DNAI7: variants seen among roughly 807,000 people sequenced by gnomAD.
DNAI7 encodes cancer susceptibility 1.
DNAI7 carries 78 observed loss-of-function variants against 86.6 expected under a neutral mutation model. The ratio of observed to expected loss-of-function variants is 0.90; its 90% CI spans 0.75 to 1.09. The LOEUF is 1.09. Among genes scored for constraint, DNAI7 ranks in the 50% least tolerant of loss-of-function variants. The pLI is 0.00. For synonymous variants in DNAI7, 274 were observed against 273.0 expected, an observed-to-expected ratio of 1.00 and a Z score of -0.04; for missense variants, 753 against 810.2, an observed-to-expected ratio of 0.93 and a Z score of 0.86.
At chr12:25,152,546 C>T (rs754635763) in intron 6 of DNAI7, among the ~76,000 whole-genome samples, 120 of 152,186 alleles carry the variant, frequency 7.9e-4, no homozygotes, top group Non-Finnish European at 1.6e-3. Context: ...TCTAGTTTTT[C>T]ACTTGTATCT....
At chr12:25,153,292 C>T (rs1410436277) in intron 6 of DNAI7, among the ~76,000 whole-genome samples, 2 of 152,060 alleles carry the variant, frequency 1.3e-5, no homozygotes, top group East Asian at 1.9e-4. Flanking sequence ...TGTGGTGGCA[C>T]ATGACTGTAA....
In DNAI7 at chr12:25,114,642, CA is replaced by C. The variant is rs757671641; in HGVS notation, c.1611+13del. 1.3e-6 allele frequency: 2 copies of C among 1,559,340 alleles called. No homozygotes were observed. Among genetic ancestry groups the C allele is most frequent in the Non-Finnish European group, 1.8e-6 (2 of 1,130,654 alleles). On this transcript the variant is annotated intron_variant, in intron 13 of 15. Transcript: ENST00000395987. ...CTGATACGATAGTACATAACAGCTA[CA>C]AGAGTAACTCACCTTAATTTGTATT...
intron 14 of DNAI7, 78 bp downstream of exon 14, chr12:25,111,694 T>C: frequency 3.8e-6 from 3 of 784,282 alleles, no homozygotes; most frequent in African/African-American, 1.8e-5. Flanking sequence ...GTGTATATAA[T>C]ATTAAATTAT....
intron 11 of DNAI7, among the ~76,000 whole-genome samples, 161 bp from the exon 12 acceptor site, chr12:25,119,462 A>G (rs1357266130): frequency 6.6e-6 from 1 of 152,254 alleles, no homozygotes; most frequent in Non-Finnish European, 1.5e-5. Flanking sequence ...TAAAAGATAC[A>G]TGATTGAGAA....
At chr12:25,143,982 A>C (rs1412518073) in intron 9 of DNAI7, among the ~76,000 whole-genome samples, 3 of 152,200 alleles carry the variant, frequency 2.0e-5, no homozygotes, top group African/African-American at 7.2e-5. Context: ...ATTATTTCTT[A>C]CAAAACCAAA....
chr12:25,141,601 C>T (rs1180538765), intron 9 of DNAI7, among the ~76,000 whole-genome samples: 1 of 152,138 alleles, frequency 6.6e-6, no homozygotes, highest in Non-Finnish European at 1.5e-5. Flanking sequence ...GAGGCCAAGG[C>T]AGGTGGACCA....
chr12:25,110,092 G>T (rs1949684089), intron 15 of DNAI7, 35 bp downstream of exon 15: 2 of 1,017,138 alleles, frequency 2.0e-6, no homozygotes, highest in Admixed American at 1.8e-5. Context: ...TCTTTTGGAG[G>T]ACAAAGTAGT....
chr12:25,156,106 G>A (rs1348510037), intron 4 of DNAI7, among the ~76,000 whole-genome samples: 4 of 79,842 alleles, frequency 5.0e-5, no homozygotes, highest in African/African-American at 1.1e-4. Context: ...TCTAAATCAC[G>A]TTACAAAAAA....
At chr12:25,159,643 C>T (rs1169023370) in intron 3 of DNAI7, among the ~76,000 whole-genome samples, 1 of 152,076 alleles carries the variant, frequency 6.6e-6, no homozygotes, top group Admixed American at 6.5e-5. Flanking sequence ...ACATCTACAT[C>T]TCAGATGCAA....
intron 4 of DNAI7, among the ~76,000 whole-genome samples, chr12:25,157,393 T>C (rs1946314578): frequency 6.6e-6 from 1 of 152,030 alleles, no homozygotes; most frequent in African/African-American, 2.4e-5. Flanking sequence ...TAAGGCCAGA[T>C]TTTCCTTATA....
rs138306711 is a variant in DNAI7, at chr12:25,151,621, A to G, written c.439-1847T>C. ...CTCCCTGCTAACTGCAAAGTACCAG[A>G]TTCCTAAGCTGACGTCATGCCATGG... On this transcript the variant is annotated intron_variant, in intron 6 of 15. Coordinates refer to ENST00000395987, the MANE Select transcript of DNAI7 (RefSeq NM_018272.5). Among the ~76,000 whole-genome samples the G allele has an allele frequency of 1.8e-3, 269 of 152,326 alleles. 1 individual carries two copies. The highest frequency in any genetic ancestry group is 5.9e-3 in the African/African-American group (244 of 41,562).
chr12:25,152,175 T>G (rs558385990), intron 6 of DNAI7, among the ~76,000 whole-genome samples: 3 of 152,284 alleles, frequency 2.0e-5, no homozygotes, highest in Middle Eastern at 3.4e-3. Flanking sequence ...AGAAACAGCT[T>G]TTGTTATTTA....
At chr12:25,143,859 A>G (rs886167896) in intron 9 of DNAI7, among the ~76,000 whole-genome samples, 2 of 152,244 alleles carry the variant, frequency 1.3e-5, no homozygotes, top group African/African-American at 2.4e-5. Context: ...AAAAAAGAGA[A>G]GAAGCTAACT....
At chr12:25,180,676 C>T (rs1949411054) in intron 2 of DNAI7, among the ~76,000 whole-genome samples, 1 of 152,028 alleles carries the variant, frequency 6.6e-6, no homozygotes, top group Non-Finnish European at 1.5e-5. Context: ...AATAAACAAA[C>T]AATGGGGAAA....
chr12:25,181,305 G>C (rs896809830), intron 2 of DNAI7, among the ~76,000 whole-genome samples: 2 of 143,696 alleles, frequency 1.4e-5, no homozygotes, highest in African/African-American at 5.9e-5. Context: ...TTGCAGAGGT[G>C]GGGGGGTCTC....
chr12:25,119,008 A>T, intron 12 of DNAI7, 137 bp downstream of exon 12: 1 of 672,226 alleles, frequency 1.5e-6, no homozygotes, highest in Non-Finnish European at 2.3e-6. Flanking sequence ...TCCATTAAGA[A>T]CAAACAAAAC....
At chr12:25,132,812 C>T (rs370107187) in intron 9 of DNAI7, among the ~76,000 whole-genome samples, 3 of 150,356 alleles carry the variant, frequency 2.0e-5, no homozygotes, top group African/African-American at 5.0e-5. Flanking sequence ...TTCTCAGCTG[C>T]CTGCTCATGT....
intron 3 of DNAI7, 55 bp from the exon 4 acceptor site, chr12:25,158,618 C>A (rs1946489395): frequency 6.5e-7 from 1 of 1,547,034 alleles, no homozygotes; most frequent in Non-Finnish European, 8.8e-7. Flanking sequence ...TATTTTTAAG[C>A]CCTTAAAATT....
Position 25,158,583 on chromosome 12 carries a change from T to G in DNAI7, c.107-20A>C. On this transcript the variant is annotated intron_variant, in intron 3 of 15. Coordinates refer to ENST00000395987, the MANE Select transcript of DNAI7 (RefSeq NM_018272.5). ...CTTCCTCTAAAGAACCAAAAATAAT[T>G]TTTTTCTCAGTGAATAGATCACTGT... 6.2e-7 allele frequency: 1 copy of G among 1,602,972 alleles called. No homozygotes were observed. The highest frequency in any genetic ancestry group is 1.7e-5 in the Admixed American group (1 of 59,018).
Sources: gnomAD v4.1 joint callset for allele counts (sites outside exome capture counted in the v4.1 genomes callset) on GRCh38, gnomAD v4.1.1 for gene constraint, MANE v1.5 for transcripts, NCBI Gene and HGNC (gene_info 2026-07-23, HGNC 2026-07-21) for gene names.